The following UBE3C variants were observed in gnomAD, a reference collection of about 807,000 sequenced individuals.
The protein encoded by UBE3C is ubiquitin protein ligase E3C, also known as ubiquitin-protein ligase E3C.
Under a neutral mutation model 129.4 loss-of-function variants are expected in UBE3C, and 42 were observed. That is an observed-to-expected ratio of 0.32 (90% CI 0.25 to 0.42). UBE3C has a LOEUF of 0.42. UBE3C is among the 10% of genes least tolerant of loss of function. The pLI, the probability that UBE3C is intolerant of heterozygous loss-of-function variation, is 1.00. For missense variants in UBE3C, 1,049 were observed against 1,319.1 expected, an observed-to-expected ratio of 0.80 and a Z score of 3.17; for synonymous variants, 510 against 492.4, an observed-to-expected ratio of 1.04 and a Z score of -0.47.
At chr7:157,190,546 A>G (rs1808930308) in intron 10 of UBE3C, among the ~76,000 whole-genome samples, 1 of 151,758 alleles carries the variant, frequency 6.6e-6, no homozygotes, top group African/African-American at 2.4e-5. Context: ...AGATTAGAAC[A>G]CACCCACCCT....
At chr7:157,224,068 C>CTGTGATGA (rs1795808571) in intron 16 of UBE3C, among the ~76,000 whole-genome samples, 1 of 152,064 alleles carries the variant, frequency 6.6e-6, no homozygotes, top group Admixed American at 6.5e-5. Context: ...GAAAGCAGTG[C>CTGTGATGA]TGTGATCATA....
intron 1 of UBE3C, among the ~76,000 whole-genome samples, chr7:157,142,007 G>A (rs112662660): frequency 5.3e-5 from 8 of 152,322 alleles, no homozygotes; most frequent in African/African-American, 1.4e-4. Context: ...CGTGTCGCAC[G>A]CCCACAGCAT....
intron 21 of UBE3C, among the ~76,000 whole-genome samples, chr7:157,255,654 A>G (rs1455309269): frequency 6.6e-6 from 1 of 152,206 alleles, no homozygotes; most frequent in East Asian, 1.9e-4. Flanking sequence ...GCCAGTAAAT[A>G]GGTTTAAAAT....
intron 18 of UBE3C, among the ~76,000 whole-genome samples, chr7:157,245,125 T>C (rs1032135288): frequency 3.7e-4 from 56 of 152,358 alleles, no homozygotes; most frequent in African/African-American, 1.3e-3. Context: ...TTAGTGCTTG[T>C]ATATTAAATG....
intron 16 of UBE3C, 33 bp downstream of exon 16, chr7:157,223,384 T>C: frequency 1.9e-6 from 3 of 1,568,610 alleles, no homozygotes; most frequent in Non-Finnish European, 2.6e-6. Context: ...TGTCACTACG[T>C]ATCATATTAG....
intron 19 of UBE3C, among the ~76,000 whole-genome samples, chr7:157,253,220 C>T (rs867835169): frequency 1.3e-5 from 2 of 152,264 alleles, no homozygotes; most frequent in Middle Eastern, 3.4e-3. Context: ...TTATTAATGG[C>T]CAAAAGTTTC....
chr7:157,213,420 C>T (rs567850086), intron 13 of UBE3C, among the ~76,000 whole-genome samples: 9 of 152,358 alleles, frequency 5.9e-5, no homozygotes, highest in African/African-American at 2.2e-4. Flanking sequence ...GTGGGCTTGT[C>T]TTAGTGCTCC....
chr7:157,223,398 T>G (rs1795791571), intron 16 of UBE3C, 47 bp downstream of exon 16: 1 of 1,507,914 alleles, frequency 6.6e-7, no homozygotes, highest in Non-Finnish European at 9.0e-7. Context: ...ATATTAGTGT[T>G]AAGAAATTAA....
chr7:157,150,667 A>G (rs538367519), intron 1 of UBE3C, among the ~76,000 whole-genome samples: 47 of 152,380 alleles, frequency 3.1e-4, no homozygotes, highest in Admixed American at 2.6e-3. Flanking sequence ...ATTTATTAAC[A>G]TACTTGTATT....
intron 1 of UBE3C, among the ~76,000 whole-genome samples, chr7:157,147,194 C>A (rs372366217): frequency 6.6e-6 from 1 of 152,116 alleles, no homozygotes; most frequent in Non-Finnish European, 1.5e-5. Flanking sequence ...TTGTTTAGTT[C>A]TTTTATTTCT....
At chr7:157,251,394 G>A (rs909085237) in intron 19 of UBE3C, among the ~76,000 whole-genome samples, 1 of 152,176 alleles carries the variant, frequency 6.6e-6, no homozygotes, top group African/African-American at 2.4e-5. Flanking sequence ...AGCAGAAAAT[G>A]CTAAGGGTTT....
At chr7:157,239,947 G>T (rs563680979) in intron 18 of UBE3C, among the ~76,000 whole-genome samples, 1 of 152,164 alleles carries the variant, frequency 6.6e-6, no homozygotes, top group African/African-American at 2.4e-5. Flanking sequence ...AGGATGGGAA[G>T]AGCAGTGTTC....
intron 5 of UBE3C, among the ~76,000 whole-genome samples, chr7:157,176,258 T>C (rs149027619): frequency 0.01 from 1,557 of 152,164 alleles, 25 homozygotes; most frequent in African/African-American, 0.035. Context: ...CAAGACCATG[T>C]TTCTTTTTTT....
intron 10 of UBE3C, chr7:157,197,967 A>T (rs1392452035): frequency 6.2e-7 from 1 of 1,609,258 alleles, no homozygotes; most frequent in Non-Finnish European, 8.5e-7. Flanking sequence ...CTTGAACCTC[A>T]ATCTAGGTTT....
intron 19 of UBE3C, 132 bp downstream of exon 19, chr7:157,248,712 G>A (rs1471962353): frequency 1.0e-6 from 1 of 994,774 alleles, no homozygotes; most frequent in Non-Finnish European, 1.5e-6. Context: ...CTGTGAGTTA[G>A]ACGTCGAAGC....
At chr7:157,192,517 G>T in intron 10 of UBE3C, 1 of 761,918 alleles carries the variant, frequency 1.3e-6, no homozygotes, top group Non-Finnish European at 2.4e-6. Flanking sequence ...GCAAGCAACT[G>T]GAAGATGGAT....
rs1808297222 is a variant in UBE3C at position 157,169,103 on chromosome 7, A to G, written c.176A>G (p.Tyr59Cys). 1.9e-6 allele frequency: 3 copies of G among 1,613,590 alleles called. No individual in the cohort carries two copies. The highest frequency in any genetic ancestry group is 2.5e-6 in the Non-Finnish European group (3 of 1,179,842). The change falls in exon 3 of 23, where the codon TAT becomes TGT. Residue 59 changes from tyrosine (Y) to cysteine (C), a missense_variant. By Grantham distance (194) the Tyr-to-Cys change is radical. Around this residue, in one of 4 missense-constraint regions of UBE3C, gnomAD observed 489 missense variants for 513.8 expected, o/e 0.95. Transcript: ENST00000348165. ...ATTATCCAGTCATTTATTCGAGGCT[A>G]TAGAGACAGAAAACAGCAAGTAAGT... ...AIIIQSFIRG[Y>C]RDRKQQYSIQ...
At chr7:157,179,930 T>C (rs190530141) in intron 6 of UBE3C, among the ~76,000 whole-genome samples, 110 of 152,342 alleles carry the variant, frequency 7.2e-4, no homozygotes, top group Admixed American at 2.2e-3. Context: ...TTGTGGAATT[T>C]GATCTTTTTA....
chr7:157,226,572 C>T (rs979392369), intron 17 of UBE3C, among the ~76,000 whole-genome samples: 1 of 152,172 alleles, frequency 6.6e-6, no homozygotes, highest in East Asian at 1.9e-4. Flanking sequence ...ATTGCCTTTT[C>T]CTCTAGGGGA....
Sources: gnomAD v4.1 joint callset for allele counts (sites outside exome capture counted in the v4.1 genomes callset) on GRCh38, gnomAD v4.1.1 for gene constraint, gnomAD v4.1.1 regional missense constraint, MANE v1.5 for transcripts, NCBI Gene and HGNC (gene_info 2026-07-23, HGNC 2026-07-21) for gene names.